Variants in FILIP1 observed in about 807,000 individuals in gnomAD.
The protein encoded by FILIP1 is filamin-A-interacting protein 1.
A neutral mutation model predicts 102.1 loss-of-function variants in FILIP1; 61 were observed. That is an observed-to-expected ratio of 0.60 (90% confidence interval 0.49 to 0.74). The LOEUF is 0.74. Among genes scored for constraint, FILIP1 ranks in the 30% least tolerant of loss-of-function variants. The pLI is 0.00. For synonymous variants in FILIP1, 491 were observed against 526.9 expected (o/e 0.93, Z 0.93); for missense variants, 1,314 against 1,441.2 (o/e 0.91, Z 1.43).
At chr6:75,320,742 T>C (rs928981757) in intron 4 of FILIP1, among the ~76,000 whole-genome samples, 3 of 152,102 alleles carry the variant, frequency 2.0e-5, no homozygotes, top group Non-Finnish European at 2.9e-5. Flanking sequence ...ATTAGATGAG[T>C]TCCTCTGTCT....
chr6:75,313,471 C>T lies in FILIP1; in HGVS notation c.2361G>A (p.Arg787=). The change falls in exon 5 of 6, where the codon AGG becomes AGA. Residue 787 remains arginine, a synonymous_variant. Transcript: ENST00000237172. The surrounding 1 kb of genome is among the most constrained non-coding windows in gnomAD (Gnocchi z 4.2). Reference sequence around the variant, plus strand: ...CCATTCTTCTTCCATTCACACTGGGCCTAAGAGCTCTGCTGTAGCGCTTGG... The same window carrying T: ...CCATTCTTCTTCCATTCACACTGGGTCTAAGAGCTCTGCTGTAGCGCTTGG... ...ELSKRYSRAL[R]PSVNGRRMVD... 6.2e-7 allele frequency: 1 copy of T among 1,614,178 alleles called. No individual in the cohort carries two copies. The highest frequency in any genetic ancestry group is 1.3e-5 in the African/African-American group (1 of 75,056).
chr6:75,308,502 C>A lies in FILIP1; in HGVS notation c.*189G>T, dbSNP rs2149540182. ...TTCTAGGCAGCAAGCAATAGTTTTG[C>A]TAATTTTGTTCCCCAGCATCAAAAC... is the stretch of plus-strand genomic sequence containing the variant. On this transcript the variant is annotated 3_prime_UTR_variant, in exon 6 of 6. Transcript: ENST00000237172. 1 of 1,419,710 alleles carries A rather than the reference C, an allele frequency of 7.0e-7. No homozygotes were observed. Among genetic ancestry groups the A allele is most frequent in the East Asian group, 2.6e-5 (1 of 38,356 alleles). The allele number at this position is 1,419,710 out of a possible 1,614,324, so 87.9% of individuals were successfully genotyped here.
At chr6:75,329,567 G>T (rs1773994256) in intron 4 of FILIP1, among the ~76,000 whole-genome samples, 1 of 152,054 alleles carries the variant, frequency 6.6e-6, no homozygotes, top group Non-Finnish European at 1.5e-5. Context: ...AAGACAGAGG[G>T]CAGGTTAAAA....
rs112088287 is a variant in FILIP1 at position 75,403,382 on chromosome 6, G to A, written c.276+11315C>T. 3.9e-3 allele frequency among the ~76,000 whole-genome samples: 586 copies of A among 151,916 alleles called. 6 individuals carry two copies. Among genetic ancestry groups the A allele is most frequent in the African/African-American group, 0.014 (562 of 41,422 alleles). On this transcript the variant is annotated intron_variant, in intron 2 of 5. Coordinates refer to ENST00000237172, the MANE Select transcript of FILIP1 (RefSeq NM_015687.5). ...TCAAAAAAATTAGCCAAGTGTGGTG[G>A]TGCATGCCTACAGTCCCAGCTACAT... is the stretch of plus-strand genomic sequence containing the variant.
Position 75,308,390 on chromosome 6 carries a change from C to A in FILIP1, c.*301G>T. 8.9e-7 allele frequency: 1 copy of A among 1,124,076 alleles called. No individual in the cohort carries two copies. The highest frequency in any genetic ancestry group is 1.1e-6 in the Non-Finnish European group (1 of 899,370). The allele number at this position is 1,124,076 out of a possible 1,614,324, so 69.6% of individuals were successfully genotyped here. On this transcript the variant is annotated 3_prime_UTR_variant, in exon 6 of 6. Transcript: ENST00000237172. ...AGAGCGTGTGATTGAGTCCCCACAT[C>A]TAACTGATGAGGAAACAGGCTCAGA...
chr6:75,407,417 G>A (rs1310315423), intron 2 of FILIP1, among the ~76,000 whole-genome samples: 1 of 151,792 alleles, frequency 6.6e-6, no homozygotes, highest in Non-Finnish European at 1.5e-5. Flanking sequence ...TAGTAGAGAC[G>A]GGGTTTCACC....
chr6:75,346,969 C>A (rs962872811), intron 4 of FILIP1, among the ~76,000 whole-genome samples: 6 of 150,522 alleles, frequency 4.0e-5, no homozygotes, highest in African/African-American at 1.5e-4. Flanking sequence ...TTTCCTTCAT[C>A]AGTGGGATAC....
chr6:75,342,014 G>A (rs1445363395), intron 4 of FILIP1, among the ~76,000 whole-genome samples: 1 of 152,186 alleles, frequency 6.6e-6, no homozygotes, highest in Non-Finnish European at 1.5e-5. Flanking sequence ...AAAATGCTAT[G>A]AGATAGGTAC....
intron 1 of FILIP1, among the ~76,000 whole-genome samples, chr6:75,420,236 T>C (rs536606280): frequency 3.6e-4 from 55 of 152,072 alleles, no homozygotes; most frequent in African/African-American, 1.3e-3. Flanking sequence ...TTTTATGACG[T>C]TCTGTTTAAT....
chr6:75,325,283 G>A (rs751405843), intron 4 of FILIP1, among the ~76,000 whole-genome samples: 1 of 152,154 alleles, frequency 6.6e-6, no homozygotes, highest in African/African-American at 2.4e-5. Flanking sequence ...TTATCTGGGT[G>A]TGGTGGCACA....
chr6:75,322,544 T>A (rs1773698342), intron 4 of FILIP1, among the ~76,000 whole-genome samples: 1 of 152,206 alleles, frequency 6.6e-6, no homozygotes, highest in Non-Finnish European at 1.5e-5. Context: ...AATCAAACTT[T>A]TTCTTGGCAA....
At chr6:75,333,714 G>A (rs936731538) in intron 4 of FILIP1, among the ~76,000 whole-genome samples, 2 of 152,116 alleles carry the variant, frequency 1.3e-5, no homozygotes, top group African/African-American at 4.8e-5. Context: ...TTTGGTTTTG[G>A]CCAAATGAAG....
intron 1 of FILIP1, among the ~76,000 whole-genome samples, chr6:75,447,239 T>G (rs1376521062): frequency 1.3e-5 from 2 of 152,152 alleles, no homozygotes; most frequent in Non-Finnish European, 2.9e-5. Context: ...ATGTAGAATT[T>G]TAGATTTCTT....
In FILIP1 at chr6:75,433,699, A is replaced by C. The variant is rs554280269; in HGVS notation, c.-6-18721T>G. Reference sequence around the variant, plus strand: ...CAGAAGCTCTTTAGTTTAATTAGATACCATTTGTCAATTTTGGCTTTTATT... The same window carrying C: ...CAGAAGCTCTTTAGTTTAATTAGATCCCATTTGTCAATTTTGGCTTTTATT... On this transcript the variant is annotated intron_variant, in intron 1 of 5. Coordinates refer to ENST00000237172, the MANE Select transcript of FILIP1 (RefSeq NM_015687.5). Among the ~76,000 whole-genome samples, 108 of 152,104 alleles carry C rather than the reference A, an allele frequency of 7.1e-4. 1 individual carries two copies. In the South Asian group the frequency reaches 0.014, roughly 20 times the overall value.
chr6:75,391,157 G>T (rs769609230), intron 2 of FILIP1, among the ~76,000 whole-genome samples: 8 of 151,794 alleles, frequency 5.3e-5, no homozygotes, highest in Non-Finnish European at 8.8e-5. Flanking sequence ...TCTTCTAATT[G>T]GCCTTCACCC....
intron 4 of FILIP1, among the ~76,000 whole-genome samples, chr6:75,334,964 C>T (rs1774193599): frequency 6.6e-6 from 1 of 152,102 alleles, no homozygotes; most frequent in South Asian, 2.1e-4. Flanking sequence ...GGGAATTACG[C>T]TCCACACTAA....
chr6:75,487,485 T>C lies in FILIP1; in HGVS notation c.-7+5929A>G, dbSNP rs529837975. 3.9e-5 allele frequency among the ~76,000 whole-genome samples: 6 copies of C among 152,302 alleles called. No individual in the cohort carries two copies. In the East Asian group the frequency reaches 1.2e-3, roughly 29 times the overall value. ...GGCCTAAAATGAGTTACTTAAGATGTAAGTATATGAAAGAAAAAGAATGTT... is the reference window on the plus strand; with the variant it reads ...GGCCTAAAATGAGTTACTTAAGATGCAAGTATATGAAAGAAAAAGAATGTT... On this transcript the variant is annotated intron_variant, in intron 1 of 5. Coordinates refer to ENST00000237172, the MANE Select transcript of FILIP1 (RefSeq NM_015687.5).
intron 1 of FILIP1, among the ~76,000 whole-genome samples, chr6:75,416,668 G>A (rs1777281698): frequency 6.6e-6 from 1 of 151,546 alleles, no homozygotes; most frequent in African/African-American, 2.4e-5. Context: ...TAAGACACAT[G>A]GACTTCCCTA....
chr6:75,438,225 A>G (rs1211999568), intron 1 of FILIP1, among the ~76,000 whole-genome samples: 3 of 152,210 alleles, frequency 2.0e-5, no homozygotes, highest in Non-Finnish European at 4.4e-5. Context: ...ATAAATAGTG[A>G]AGCAATAAAA....
Sources: allele counts gnomAD v4.1 joint callset (sites outside exome capture counted in the v4.1 genomes callset), GRCh38; gene constraint gnomAD v4.1.1; non-coding constraint Gnocchi (gnomAD v3.1); transcripts MANE v1.5; gene names NCBI Gene and HGNC (gene_info 2026-07-23, HGNC 2026-07-21).